SMAD3: variants seen among roughly 807,000 people sequenced by gnomAD.
The protein encoded by SMAD3 is MAD homolog 3.
In SMAD3, 12 loss-of-function variants were observed where a neutral mutation model predicts 51.8. That is an observed-to-expected ratio of 0.23 (90% CI 0.15 to 0.38). The LOEUF (loss-of-function observed/expected upper bound fraction) is 0.38, where lower values mean the gene tolerates loss of function less well. Ranked by LOEUF, SMAD3 falls within the 10% of genes least tolerant of loss-of-function variation. The probability of loss-of-function intolerance (pLI) is 1.00; values close to 1 mark genes in which losing one functional copy is unlikely to be tolerated. For synonymous variants in SMAD3, 238 were observed against 227.7 expected (o/e 1.05, Z -0.41); for missense variants, 294 against 565.6 (o/e 0.52, Z 4.87).
chr15:67,103,101 G>A (rs1377973848), intron 1 of SMAD3, among the ~76,000 whole-genome samples: 4 of 152,086 alleles, frequency 2.6e-5, no homozygotes, highest in Non-Finnish European at 5.9e-5. Context: ...TGTGAAGGCA[G>A]CTTGTCTGTG....
intron 1 of SMAD3, among the ~76,000 whole-genome samples, chr15:67,123,782 A>G (rs1471954645): frequency 1.3e-5 from 2 of 152,178 alleles, no homozygotes; most frequent in African/African-American, 4.8e-5. Context: ...TTTTTAGGTG[A>G]AGGACCTCTA....
At chr15:67,172,008 C>T (rs907943447) in intron 5 of SMAD3, among the ~76,000 whole-genome samples, 12 of 152,182 alleles carry the variant, frequency 7.9e-5, no homozygotes, top group Admixed American at 4.6e-4. Context: ...AACAGCCTTC[C>T]AAGCAGACAC....
rs1567000757 is a variant in SMAD3, at chr15:67,183,020, T to TAC, written c.871+1568_871+1569insCA. ...AAAAAAATATATATATATATATATA[T>TAC]ATATATATATATTTTTTTTTTTTTT... On this transcript the variant is annotated intron_variant, in intron 6 of 8. Transcript: ENST00000327367. 3.8e-4 allele frequency among the ~76,000 whole-genome samples: 29 copies of TAC among 77,332 alleles called. 1 individual carries two copies. The highest frequency in any genetic ancestry group is 6.0e-4 in the Non-Finnish European group (25 of 41,628). 50.7% of individuals were successfully genotyped at this position (77,332 alleles called of 152,430 possible). A position where few individuals can be genotyped will look rare whatever the true frequency, so the allele number is the denominator to read the frequency against.
chr15:67,090,557 G>A lies in SMAD3; in HGVS notation c.206+24197G>A, dbSNP rs770891807. On this transcript the variant is annotated intron_variant, in intron 1 of 8. Transcript: ENST00000327367. ...ATGATGATGTCCACTTCTTGGGGAC[G>A]ATGGGGCAGGGTGGTAAACACTTCT... 9.2e-5 allele frequency among the ~76,000 whole-genome samples: 14 copies of A among 152,126 alleles called. No individual in the cohort carries two copies. The South Asian group carries it at 1.0e-3, about 11-fold the overall frequency.
At chr15:67,090,313 A>T (rs142389998) in intron 1 of SMAD3, among the ~76,000 whole-genome samples, 2 of 152,170 alleles carry the variant, frequency 1.3e-5, no homozygotes, top group Non-Finnish European at 2.9e-5. Context: ...TGAGTAGCTC[A>T]TGAGACAGGC....
chr15:67,080,425 G>A (rs1459014972), intron 1 of SMAD3, among the ~76,000 whole-genome samples: 1 of 152,184 alleles, frequency 6.6e-6, no homozygotes, highest in African/African-American at 2.4e-5. Context: ...AGCAGGTGGG[G>A]GTGGCAGTGG....
intron 1 of SMAD3, among the ~76,000 whole-genome samples, chr15:67,157,630 G>A (rs1336941100): frequency 1.3e-5 from 2 of 152,212 alleles, no homozygotes; most frequent in East Asian, 1.9e-4. Flanking sequence ...CCTCTGTGTT[G>A]TCCCACAGAT....
At chr15:67,166,097 T>C (rs1962581046) in intron 3 of SMAD3, 11 of 850,694 alleles carry the variant, frequency 1.3e-5, no homozygotes, top group Non-Finnish European at 1.6e-5. Context: ...TGGGCTGAGA[T>C]TGGCTACAGG....
intron 1 of SMAD3, among the ~76,000 whole-genome samples, chr15:67,163,944 TAAAAAAAAAAAA>T (rs57803788): frequency 1.1e-5 from 1 of 87,918 alleles, no homozygotes; most frequent in African/African-American, 4.5e-5. Context: ...GTATCAAAAG[TAAAAAAAAAAAA>T]AAAAAAAAAA....
intron 1 of SMAD3, among the ~76,000 whole-genome samples, chr15:67,077,550 G>T (rs560539334): frequency 6.6e-6 from 1 of 152,222 alleles, no homozygotes; most frequent in East Asian, 1.9e-4. Flanking sequence ...CTGCTCAGAG[G>T]CAAAAAAGGG....
At chr15:67,131,856 G>A (rs1033248347) in intron 1 of SMAD3, among the ~76,000 whole-genome samples, 1 of 152,216 alleles carries the variant, frequency 6.6e-6, no homozygotes, top group Non-Finnish European at 1.5e-5. Context: ...CTGTCCAGGA[G>A]ATGGGTGCTT....
At chr15:67,154,491 G>A (rs1447980789) in intron 1 of SMAD3, among the ~76,000 whole-genome samples, 1 of 152,194 alleles carries the variant, frequency 6.6e-6, no homozygotes, top group African/African-American at 2.4e-5. Context: ...CATGGTCACT[G>A]TGGTAGAACT....
At chr15:67,160,650 A>G (rs9920190) in intron 1 of SMAD3, among the ~76,000 whole-genome samples, 54,296 of 151,576 alleles carry the variant, frequency 0.36, 10,369 homozygotes, top group African/African-American at 0.49. Context: ...AGGCGCCTGT[A>G]GTCCCAGTTG....
intron 1 of SMAD3, among the ~76,000 whole-genome samples, chr15:67,115,474 T>A (rs1961114420): frequency 6.6e-6 from 1 of 152,220 alleles, no homozygotes. Context: ...TATTTCCATC[T>A]ACTTTGAATC....
intron 1 of SMAD3, among the ~76,000 whole-genome samples, chr15:67,149,611 G>A (rs1008287980): frequency 1.3e-5 from 2 of 152,026 alleles, no homozygotes; most frequent in African/African-American, 2.4e-5. Context: ...GCCCATAGGG[G>A]TTCTTTGCTG....
At chr15:67,173,651 A>C (rs1236069529) in intron 5 of SMAD3, among the ~76,000 whole-genome samples, 1 of 151,980 alleles carries the variant, frequency 6.6e-6, no homozygotes, top group Admixed American at 6.6e-5. Flanking sequence ...TTGATTGGGG[A>C]GGTTTTCTGA....
At chr15:67,166,698 A>G in intron 3 of SMAD3, 81 bp from the exon 4 acceptor site, 2 of 862,472 alleles carry the variant, frequency 2.3e-6, no homozygotes, top group Non-Finnish European at 3.9e-6. Context: ...CATGGTGTGC[A>G]TGTGTGATGT....
At chr15:67,074,284 A>G (rs1182292170) in intron 1 of SMAD3, among the ~76,000 whole-genome samples, 1 of 152,194 alleles carries the variant, frequency 6.6e-6, no homozygotes, top group African/African-American at 2.4e-5. Flanking sequence ...TTTTGTTGCT[A>G]TTTTTGACTA....
At chr15:67,102,385 TCATACA>T (rs573146769) in intron 1 of SMAD3, among the ~76,000 whole-genome samples, 26 of 152,150 alleles carry the variant, frequency 1.7e-4, no homozygotes, top group Non-Finnish European at 2.4e-4. Context: ...CTTGTTATGT[TCATACA>T]CATACAGCAG....
Sources: allele counts gnomAD v4.1 joint callset (sites outside exome capture counted in the v4.1 genomes callset), GRCh38; gene constraint gnomAD v4.1.1; transcripts MANE v1.5; gene names NCBI Gene and HGNC (gene_info 2026-07-23, HGNC 2026-07-21).